The following FKBP8 variants were observed in gnomAD, a reference collection of about 807,000 sequenced individuals.
FKBP8 encodes the protein peptidyl-prolyl cis-trans isomerase FKBP8.
Under a neutral mutation model 41.7 loss-of-function variants are expected in FKBP8, and 5 were observed. The observed-to-expected ratio is 0.12, with a 90% confidence interval of 0.06 to 0.25. FKBP8 has a LOEUF of 0.25. Among genes scored for constraint, FKBP8 ranks in the 10% least tolerant of loss-of-function variants. The pLI is 1.00. For synonymous variants in FKBP8, 279 were observed against 254.5 expected (o/e 1.10, Z -0.92); for missense variants, 397 against 563.0 (o/e 0.71, Z 2.98).
Position 18,541,728 on chromosome 19 carries a change from C to G in FKBP8, c.243G>C (p.Glu81Asp). 1 of 1,613,760 alleles carries G rather than the reference C, an allele frequency of 6.2e-7. No homozygotes were observed. The highest frequency in any genetic ancestry group is 8.5e-7 in the Non-Finnish European group (1 of 1,179,846). The change falls in exon 2 of 9, where the codon GAG (glutamate) becomes GAC (aspartate). Residue 81 changes from glutamate to aspartate, a missense_variant. By Grantham distance (45) the Glu-to-Asp change is conservative. This residue lies in a region of FKBP8 where 172 missense variants were observed against 196.2 expected (regional missense o/e 0.88). Transcript: ENST00000608443. ...ALAREFLAAM[E>D]PEPAPAPAPE... ...GGGCCGGGGCTGGGGCGGGCTCGGG[C>G]TCCATGGCAGCAAGGAACTCTCGGG...
intron 6 of FKBP8, among the ~76,000 whole-genome samples, chr19:18,535,087 C>T (rs965065076): frequency 1.3e-5 from 2 of 152,020 alleles, no homozygotes; most frequent in Admixed American, 6.6e-5. Context: ...TCCAGGCCTA[C>T]TTATTTATTT....
Position 18,537,972 on chromosome 19 carries a change from A to C in FKBP8, c.773-199T>G. The C allele has an allele frequency of 1.5e-6, 1 of 674,124 alleles. No homozygotes were observed. Among genetic ancestry groups the C allele is most frequent in the Non-Finnish European group, 2.5e-6 (1 of 404,714 alleles). The allele number at this position is 674,124 out of a possible 1,614,324, so 41.8% of individuals were successfully genotyped here. A position where few individuals can be genotyped will look rare whatever the true frequency, so the allele number is the denominator to read the frequency against. ...CAAGCGAGGGCCTAGCCTGTGGTACATGTGAACTGGCCCTGTCTATGGTCA... is the reference window on the plus strand; with the variant it reads ...CAAGCGAGGGCCTAGCCTGTGGTACCTGTGAACTGGCCCTGTCTATGGTCA... On this transcript the variant is annotated intron_variant, in intron 5 of 8. Transcript: ENST00000608443. This position sits in a 1 kb window ranked among gnomAD's most constrained non-coding sequence, Gnocchi z 4.4.
At chr19:18,535,091 T>C (rs188022802) in intron 6 of FKBP8, among the ~76,000 whole-genome samples, 161 of 152,234 alleles carry the variant, frequency 1.1e-3, no homozygotes, top group African/African-American at 3.7e-3. Context: ...GGCCTACTTA[T>C]TTATTTATTT....
At chr19:18,541,496 G>A (rs1423280676) in intron 2 of FKBP8, among the ~76,000 whole-genome samples, 183 bp downstream of exon 2, 1 of 152,210 alleles carries the variant, frequency 6.6e-6, no homozygotes, top group African/African-American at 2.4e-5. Context: ...ACAGCACATT[G>A]TGCATGTGTG....
chr19:18,532,052 C>T lies in FKBP8; in HGVS notation c.*117G>A. ...GCTGCACGACCCCCAATCCTTGCTC[C>T]CCTAACCCGGAGGAGGGGGCCAGAC... On this transcript the variant is annotated 3_prime_UTR_variant, in exon 9 of 9. Coordinates refer to ENST00000608443, the MANE Select transcript of FKBP8 (RefSeq NM_012181.5). 1.1e-6 allele frequency: 1 copy of T among 903,888 alleles called. No homozygotes were observed. The highest frequency in any genetic ancestry group is 1.5e-5 in the South Asian group (1 of 65,838). 56.0% of individuals were successfully genotyped at this position (903,888 alleles called of 1,614,324 possible).
At chr19:18,535,478 G>C (rs1976551433) in intron 6 of FKBP8, among the ~76,000 whole-genome samples, 1 of 152,020 alleles carries the variant, frequency 6.6e-6, no homozygotes, top group African/African-American at 2.4e-5. Context: ...GGTTGCTAAG[G>C]GGAGAAGATG....
intron 1 of FKBP8, 44 bp from the exon 2 acceptor site, chr19:18,542,039 C>T (rs1177594039): frequency 6.4e-7 from 1 of 1,561,056 alleles, no homozygotes; most frequent in Admixed American, 1.7e-5. Flanking sequence ...CCTACACAGC[C>T]CCTCAAAGTC....
At position 18,541,927 on chromosome 19, in the gene FKBP8, G is replaced by T; in HGVS notation, c.44C>A (p.Pro15His). 6.2e-7 allele frequency: 1 copy of T among 1,614,076 alleles called. No homozygotes were observed. Among genetic ancestry groups the T allele is most frequent in the Non-Finnish European group, 8.5e-7 (1 of 1,179,984 alleles). ...AEPSEPSAPL[P>H]AGVPPLEDFE... ...GTCCTCGAGCGGTGGGACCCCGGCG[G>T]GCAGTGGGGCAGAGGGCTCAGAGGG... Residue 15 changes from proline to histidine, a missense_variant, in exon 2 of 9, where the codon CCC (proline) becomes CAC (histidine). Coordinates refer to ENST00000608443, the MANE Select transcript of FKBP8 (RefSeq NM_012181.5).
chr19:18,531,772 G>A lies in FKBP8; in HGVS notation c.*397C>T. The A allele has an allele frequency of 4.7e-6, 1 of 211,460 alleles. No homozygotes were observed. Among genetic ancestry groups the A allele is most frequent in the Non-Finnish European group, 9.8e-6 (1 of 101,992 alleles). 13.1% of individuals were successfully genotyped at this position (211,460 alleles called of 1,614,324 possible). A position where few individuals can be genotyped will look rare whatever the true frequency, so the allele number is the denominator to read the frequency against. ...AGGAGTCCGTGGAAACTGCAGGGTG[G>A]GATGCTTTATTTCACTGTGGCGGGG... is the stretch of plus-strand genomic sequence containing the variant. On this transcript the variant is annotated 3_prime_UTR_variant, in exon 9 of 9. Coordinates refer to ENST00000608443, the MANE Select transcript of FKBP8 (RefSeq NM_012181.5).
chr19:18,542,862 C>T (rs1976739121), intron 1 of FKBP8: 2 of 1,275,642 alleles, frequency 1.6e-6, no homozygotes, highest in Non-Finnish European at 2.0e-6. Flanking sequence ...CAAACCAGCC[C>T]GCCGCATCCC....
In FKBP8 at chr19:18,538,089, G is replaced by A. The variant is rs1170768873; in HGVS notation, c.772+127C>T. 1.3e-5 allele frequency: 14 copies of A among 1,045,746 alleles called. No individual in the cohort carries two copies. The East Asian group carries it at 3.4e-4, about 25-fold the overall frequency. The allele number at this position is 1,045,746 out of a possible 1,614,324, so 64.8% of individuals were successfully genotyped here. A position where few individuals can be genotyped will look rare whatever the true frequency, so the allele number is the denominator to read the frequency against. On this transcript the variant is annotated intron_variant, in intron 5 of 8. Coordinates refer to ENST00000608443, the MANE Select transcript of FKBP8 (RefSeq NM_012181.5). This position sits in a 1 kb window ranked among gnomAD's most constrained non-coding sequence, Gnocchi z 4.0. ...ACAGGCCCTAGCTTAGGGGCAGTTG[G>A]GGATCTACCCATATTCTGGGCTATT... is the stretch of plus-strand genomic sequence containing the variant.
In FKBP8 at chr19:18,538,002, A is replaced by G. The variant is rs1976618522; in HGVS notation, c.772+214T>C. The G allele has an allele frequency of 1.6e-5, 11 of 670,188 alleles. No individual in the cohort carries two copies. Among genetic ancestry groups the G allele is most frequent in the Non-Finnish European group, 2.8e-5 (11 of 399,032 alleles). 41.5% of individuals were successfully genotyped at this position (670,188 alleles called of 1,614,324 possible). ...AACTGGCCCTGTCTATGGTCACCCC[A>G]TCCCCATATCCACTTGCATTCTACA... On this transcript the variant is annotated intron_variant, in intron 5 of 8. Transcript: ENST00000608443. The surrounding 1 kb of genome is among the most constrained non-coding windows in gnomAD (Gnocchi z 4.0).
chr19:18,533,391 G>T, intron 6 of FKBP8, 44 bp from the exon 7 acceptor site: 1 of 1,510,676 alleles, frequency 6.6e-7, no homozygotes. Context: ...CCATACCTGG[G>T]CCTGTCCTTC....
chr19:18,532,621 G>A lies in FKBP8; in HGVS notation c.1155+43C>T, dbSNP rs142198861. The A allele has an allele frequency of 8.1e-6, 13 of 1,604,638 alleles. No homozygotes were observed. In the East Asian group the frequency reaches 1.1e-4, roughly 14 times the overall value. ...GCAAAATAAAATCCCTCTGCTAGGC[G>A]TGCCCTGCACACAGCCCCTGCCCAT... On this transcript the variant is annotated intron_variant, in intron 8 of 8. Coordinates refer to ENST00000608443, the MANE Select transcript of FKBP8 (RefSeq NM_012181.5).
chr19:18,541,918 A>T lies in FKBP8; in HGVS notation c.53T>A (p.Val18Asp). 6.2e-7 allele frequency: 1 copy of T among 1,613,858 alleles called. No individual in the cohort carries two copies. Residue 18 changes from valine (V) to aspartate (D), a missense_variant, in exon 2 of 9, where the codon GTC becomes GAC. This residue lies in a region of FKBP8 where 172 missense variants were observed against 196.2 expected (regional missense o/e 0.88). Transcript: ENST00000608443. ...TACCTCGAAGTCCTCGAGCGGTGGG[A>T]CCCCGGCGGGCAGTGGGGCAGAGGG... is the stretch of plus-strand genomic sequence containing the variant. ...SEPSAPLPAG[V>D]PPLEDFEVLD...
At chr19:18,533,532 C>T (rs1049544830) in intron 6 of FKBP8, among the ~76,000 whole-genome samples, 185 bp from the exon 7 acceptor site, 7 of 152,168 alleles carry the variant, frequency 4.6e-5, no homozygotes, top group Non-Finnish European at 7.4e-5. Flanking sequence ...GGAGAAACCC[C>T]GTCTCTACCA....
intron 2 of FKBP8, 67 bp downstream of exon 2, chr19:18,541,612 G>C: frequency 1.3e-6 from 2 of 1,541,918 alleles, no homozygotes; most frequent in South Asian, 1.3e-5. Context: ...AGCACAGATG[G>C]GGAAATGAGG....
In FKBP8 at chr19:18,541,907, C is replaced by T. The variant is rs375921391; in HGVS notation, c.64G>A (p.Glu22Lys). 9.9e-6 allele frequency: 16 copies of T among 1,613,928 alleles called. No homozygotes were observed. In the African/African-American group the frequency reaches 1.1e-4, roughly 11 times the overall value. ...ACCCCATCCAGTACCTCGAAGTCCT[C>T]GAGCGGTGGGACCCCGGCGGGCAGT... ...APLPAGVPPL[E>K]DFEVLDGVED... The change falls in exon 2 of 9, where the codon GAG becomes AAG. Residue 22 changes from glutamate (E) to lysine (K), a missense_variant. By Grantham distance (56) the Glu-to-Lys change is moderately conservative. Around this residue, in one of 2 missense-constraint regions of FKBP8, gnomAD observed 172 missense variants for 196.2 expected, o/e 0.88. Coordinates refer to ENST00000608443, the MANE Select transcript of FKBP8 (RefSeq NM_012181.5).
chr19:18,535,425 C>CA (rs1288851142), intron 6 of FKBP8, among the ~76,000 whole-genome samples: 3 of 151,992 alleles, frequency 2.0e-5, no homozygotes, highest in Non-Finnish European at 2.9e-5. Flanking sequence ...CCAAATGAGT[C>CA]AATGAGATCC....
Sources: allele counts gnomAD v4.1 joint callset (sites outside exome capture counted in the v4.1 genomes callset), GRCh38; gene constraint gnomAD v4.1.1; regional missense constraint gnomAD v4.1.1; non-coding constraint Gnocchi (gnomAD v3.1); transcripts MANE v1.5; gene names NCBI Gene and HGNC (gene_info 2026-07-23, HGNC 2026-07-21).